The following DMD variants were observed in gnomAD, a reference collection of about 807,000 sequenced individuals.
DMD encodes mutant dystrophin.
Under a neutral mutation model 330.1 loss-of-function variants are expected in DMD, and 63 were observed. That is an observed-to-expected ratio of 0.19 (90% CI 0.16 to 0.24). The LOEUF (loss-of-function observed/expected upper bound fraction) is 0.24. DMD is among the 10% of genes least tolerant of loss of function. The probability of loss-of-function intolerance (pLI) is 1.00; values close to 1 mark genes in which losing one functional copy is unlikely to be tolerated. For synonymous variants in DMD, 1,223 were observed against 959.8 expected (o/e 1.27, Z -5.07); for missense variants, 3,344 against 2,684.1 (o/e 1.25, Z -5.43).
At chrX:32,686,178 A>G (rs1469771781) in intron 9 of DMD, among the ~76,000 whole-genome samples, 1 of 111,834 alleles carries the variant, frequency 8.9e-6, no homozygotes, top group Non-Finnish European at 1.9e-5. Context: ...GATAAAGACC[A>G]CAATATGCAA....
chrX:32,419,948 T>C (rs1371116495), intron 29 of DMD, among the ~76,000 whole-genome samples: 1 of 112,183 alleles, frequency 8.9e-6, no homozygotes, highest in African/African-American at 3.2e-5. Context: ...TCTTGCTGCA[T>C]CCATTTATCC....
At chrX:33,105,920 A>C (rs5972753) in intron 1 of DMD, among the ~76,000 whole-genome samples, 41,194 of 110,050 alleles carry the variant, frequency 0.37, 5,896 homozygotes, top group East Asian at 0.85. Context: ...CTAATACTGC[A>C]TATCTACCAA....
intron 63 of DMD, among the ~76,000 whole-genome samples, chrX:31,234,219 T>C (rs1340388858): frequency 8.9e-6 from 1 of 112,085 alleles, no homozygotes; most frequent in Non-Finnish European, 1.9e-5. Flanking sequence ...CAAAAGCTTT[T>C]ACATTTACCC....
At chrX:31,376,593 G>C (rs970651999) in intron 60 of DMD, among the ~76,000 whole-genome samples, 61 of 112,196 alleles carry the variant, frequency 5.4e-4, no homozygotes, top group African/African-American at 1.9e-3. Flanking sequence ...AGAAATTCCT[G>C]TCTAGCAAGA....
At chrX:31,415,792 T>G (rs2148915143) in intron 60 of DMD, among the ~76,000 whole-genome samples, 1 of 111,112 alleles carries the variant, frequency 9.0e-6, no homozygotes, top group Non-Finnish European at 1.9e-5. Flanking sequence ...CCTGGGGATT[T>G]TCAACAAATG....
chrX:32,668,809 G>A (rs1602739186), intron 9 of DMD, among the ~76,000 whole-genome samples: 1 of 109,778 alleles, frequency 9.1e-6, no homozygotes. Context: ...GCATTGAAGA[G>A]AATTAAGTAG....
chrX:32,549,719 G>A (rs748183984), intron 16 of DMD, among the ~76,000 whole-genome samples: 26 of 111,160 alleles, frequency 2.3e-4, no homozygotes, highest in Non-Finnish European at 3.6e-4. Context: ...CCAGCATCCT[G>A]ATATTATTCC....
At chrX:31,649,942 C>G (rs1371685958) in intron 54 of DMD, among the ~76,000 whole-genome samples, 1 of 109,579 alleles carries the variant, frequency 9.1e-6, no homozygotes, top group Non-Finnish European at 1.9e-5. Context: ...GCTTTGGGGT[C>G]ATTTGTAGCT....
chrX:31,394,861 T>A (rs1197099386), intron 60 of DMD, among the ~76,000 whole-genome samples: 2 of 110,042 alleles, frequency 1.8e-5, no homozygotes, highest in African/African-American at 3.3e-5. Context: ...TTTTTTATGA[T>A]CTCATAAGGA....
chrX:32,565,620 G>A, intron 16 of DMD, 82 bp downstream of exon 16: 2 of 993,869 alleles, frequency 2.0e-6, no homozygotes, highest in Non-Finnish European at 2.8e-6. Flanking sequence ...TGCTTCTTTT[G>A]TAGGGTTATA....
intron 7 of DMD, among the ~76,000 whole-genome samples, chrX:32,729,645 A>T: frequency 8.9e-6 from 1 of 112,077 alleles, no homozygotes. Flanking sequence ...TTAAAAAGAA[A>T]TATGCCAAAT....
At chrX:32,069,065 G>A (rs764686269) in intron 44 of DMD, among the ~76,000 whole-genome samples, 2 of 111,696 alleles carry the variant, frequency 1.8e-5, no homozygotes, top group Non-Finnish European at 3.8e-5. Context: ...AAGTTTGGGG[G>A]ACGTAATTAT....
chrX:31,708,195 A>AT (rs934607376), intron 52 of DMD, among the ~76,000 whole-genome samples: 1 of 111,689 alleles, frequency 9.0e-6, no homozygotes, highest in African/African-American at 3.2e-5. Flanking sequence ...AATGTACTTA[A>AT]TTTTTTTCTA....
intron 13 of DMD, among the ~76,000 whole-genome samples, chrX:32,575,231 C>T (rs145252397): frequency 0.024 from 2,681 of 111,150 alleles, 78 homozygotes; most frequent in African/African-American, 0.082. Context: ...CTAGGAGAGT[C>T]ACGTTTCTTA....
chrX:31,129,160 A>G (rs1292316695), intron 77 of DMD, among the ~76,000 whole-genome samples: 2 of 111,216 alleles, frequency 1.8e-5, no homozygotes, highest in Non-Finnish European at 3.8e-5. Flanking sequence ...TATAAAATTG[A>G]CATTATTGAT....
intron 9 of DMD, among the ~76,000 whole-genome samples, chrX:32,694,348 A>T (rs778982599): frequency 1.3e-4 from 15 of 111,763 alleles, no homozygotes; most frequent in Non-Finnish European, 2.4e-4. Context: ...TCATAGCCTC[A>T]TAGGCACCTC....
At chrX:32,232,516 T>C (rs2147991841) in intron 43 of DMD, among the ~76,000 whole-genome samples, 1 of 111,427 alleles carries the variant, frequency 9.0e-6, no homozygotes, top group South Asian at 3.8e-4. Context: ...CACTGCAAAT[T>C]TACTGAACTG....
At chrX:33,041,828 T>C (rs1340500517) in intron 1 of DMD, 5 of 700,141 alleles carry the variant, frequency 7.1e-6, no homozygotes, top group Non-Finnish European at 1.1e-5. Context: ...AATGTGATTG[T>C]TTTTATCTGG....
chrX:33,172,987 T>A (rs927541920), intron 1 of DMD, among the ~76,000 whole-genome samples: 1 of 111,598 alleles, frequency 9.0e-6, no homozygotes, highest in African/African-American at 3.2e-5. Flanking sequence ...TGAAAGATCT[T>A]ACTTAACAAA....
Sources: allele counts gnomAD v4.1 joint callset (sites outside exome capture counted in the v4.1 genomes callset), GRCh38; gene constraint gnomAD v4.1.1; transcripts MANE v1.5; gene names NCBI Gene and HGNC (gene_info 2026-07-23, HGNC 2026-07-21).